Variants in KCNMB2 observed in about 807,000 individuals in gnomAD.
KCNMB2 encodes the protein calcium-activated potassium channel subunit beta-2.
A neutral mutation model predicts 24.5 loss-of-function variants in KCNMB2; 9 were observed. The ratio of observed to expected loss-of-function variants is 0.37; its 90% confidence interval spans 0.22 to 0.64. KCNMB2 has a LOEUF of 0.64. KCNMB2 is among the 30% of genes least tolerant of loss of function. The probability of loss-of-function intolerance (pLI) is 0.63; values close to 1 mark genes in which losing one functional copy is unlikely to be tolerated. For missense variants in KCNMB2, 226 were observed against 284.3 expected (o/e 0.79, Z 1.47); for synonymous variants, 109 against 104.4 (o/e 1.04, Z -0.27).
chr3:178,624,471 CT>C (rs980725458), intron 1 of KCNMB2, among the ~76,000 whole-genome samples: 12 of 152,136 alleles, frequency 7.9e-5, no homozygotes, highest in Admixed American at 4.6e-4. Flanking sequence ...TTCCAACATA[CT>C]TGTTGAGACA....
At chr3:178,780,518 C>G (rs930300730) in intron 1 of KCNMB2, among the ~76,000 whole-genome samples, 6 of 152,124 alleles carry the variant, frequency 3.9e-5, no homozygotes, top group Admixed American at 1.3e-4. Context: ...ACATAAATGA[C>G]TTGGTAGAAA....
chr3:178,784,601 A>T (rs1190436175), intron 1 of KCNMB2, among the ~76,000 whole-genome samples: 1 of 152,148 alleles, frequency 6.6e-6, no homozygotes, highest in Non-Finnish European at 1.5e-5. Context: ...TTAAAGGAGT[A>T]TCTAATTTAA....
chr3:178,793,536 CAGA>C (rs1000304720), intron 1 of KCNMB2, among the ~76,000 whole-genome samples: 4 of 151,220 alleles, frequency 2.6e-5, no homozygotes, highest in African/African-American at 9.7e-5. Context: ...CAATGGACAG[CAGA>C]AGGACTCAGA....
intron 1 of KCNMB2, among the ~76,000 whole-genome samples, chr3:178,671,683 G>A (rs564746377): frequency 7.2e-5 from 11 of 152,248 alleles, no homozygotes; most frequent in African/African-American, 2.6e-4. Flanking sequence ...TGCATTTCAG[G>A]CCACGTCACC....
Position 178,779,254 on chromosome 3 carries a change from T to C in KCNMB2, c.-67-28089T>C, listed in dbSNP as rs536027678. On this transcript the variant is annotated intron_variant, in intron 1 of 4. Coordinates refer to ENST00000452583, the MANE Select transcript of KCNMB2 (RefSeq NM_181361.3). ...TTCCCAGAAATTCTTCCCACTGTTATTCATTTTCTTTGGCTTTCAATATCC... is the reference window on the plus strand; with the variant it reads ...TTCCCAGAAATTCTTCCCACTGTTACTCATTTTCTTTGGCTTTCAATATCC... 3.9e-5 allele frequency among the ~76,000 whole-genome samples: 6 copies of C among 152,324 alleles called. No homozygotes were observed. In the South Asian group the frequency reaches 6.2e-4, roughly 16 times the overall value.
At chr3:178,779,793 A>G (rs1712747544) in intron 1 of KCNMB2, among the ~76,000 whole-genome samples, 1 of 152,144 alleles carries the variant, frequency 6.6e-6, no homozygotes, top group Non-Finnish European at 1.5e-5. Flanking sequence ...AAAATCATTC[A>G]TGATCAAGGT....
intron 1 of KCNMB2, among the ~76,000 whole-genome samples, chr3:178,578,631 C>A (rs1265805648): frequency 1.3e-5 from 2 of 152,046 alleles, no homozygotes; most frequent in Non-Finnish European, 2.9e-5. Context: ...ATTCAGGAGA[C>A]CAATCAATGT....
rs566629078 is a variant in KCNMB2, at chr3:178,796,810, A to T, written c.-67-10533A>T. ...ACATCAAAAAAGTAGAAAAACTTCAAATAAACAACCTAATGATGCATCTCA... is the reference window on the plus strand; with the variant it reads ...ACATCAAAAAAGTAGAAAAACTTCATATAAACAACCTAATGATGCATCTCA... On this transcript the variant is annotated intron_variant, in intron 1 of 4. Coordinates refer to ENST00000452583, the MANE Select transcript of KCNMB2 (RefSeq NM_181361.3). Among the ~76,000 whole-genome samples, 11 of 152,282 alleles carry T rather than the reference A, an allele frequency of 7.2e-5. 1 individual carries two copies. In the South Asian group the frequency reaches 2.3e-3, roughly 32 times the overall value.
intron 1 of KCNMB2, among the ~76,000 whole-genome samples, chr3:178,584,448 A>G (rs1357758355): frequency 2.0e-5 from 3 of 150,062 alleles, no homozygotes; most frequent in Non-Finnish European, 4.4e-5. Context: ...TCCCTCTCCA[A>G]AAGAAAAAGT....
At chr3:178,618,047 A>AAAG (rs1275067019) in intron 1 of KCNMB2, among the ~76,000 whole-genome samples, 1 of 152,138 alleles carries the variant, frequency 6.6e-6, no homozygotes, top group Non-Finnish European at 1.5e-5. Flanking sequence ...TTTTATAGAT[A>AAAG]GTATCTTTAA....
chr3:178,803,696 A>G (rs752860012), intron 1 of KCNMB2, among the ~76,000 whole-genome samples: 3 of 152,154 alleles, frequency 2.0e-5, no homozygotes, highest in Non-Finnish European at 4.4e-5. Context: ...AAGTACCGAG[A>G]ACTGGGAGCA....
chr3:178,579,457 G>A (rs1354651616), intron 1 of KCNMB2, among the ~76,000 whole-genome samples: 1 of 152,082 alleles, frequency 6.6e-6, no homozygotes, highest in Admixed American at 6.5e-5. Flanking sequence ...ACAATTAAAA[G>A]AACTAGAGAA....
At chr3:178,769,396 G>A (rs1198407067) in intron 1 of KCNMB2, among the ~76,000 whole-genome samples, 1 of 152,156 alleles carries the variant, frequency 6.6e-6, no homozygotes, top group Non-Finnish European at 1.5e-5. Flanking sequence ...CTCTGCTGGG[G>A]TGGGGTAAGA....
At chr3:178,622,333 C>T (rs1718953288) in intron 1 of KCNMB2, among the ~76,000 whole-genome samples, 1 of 152,206 alleles carries the variant, frequency 6.6e-6, no homozygotes, top group African/African-American at 2.4e-5. Flanking sequence ...ACAGATCTTA[C>T]TGCCTAACAC....
At chr3:178,688,867 A>C (rs1721564780) in intron 1 of KCNMB2, among the ~76,000 whole-genome samples, 1 of 152,192 alleles carries the variant, frequency 6.6e-6, no homozygotes, top group African/African-American at 2.4e-5. Flanking sequence ...TCTATCAAAT[A>C]ATTTGAATAT....
At chr3:178,818,632 T>C (rs1395016290) in intron 2 of KCNMB2, among the ~76,000 whole-genome samples, 1 of 152,132 alleles carries the variant, frequency 6.6e-6, no homozygotes, top group Non-Finnish European at 1.5e-5. Context: ...TTTAAACCCC[T>C]CTTTATCTAA....
chr3:178,711,611 T>C (rs1299120600), intron 1 of KCNMB2, among the ~76,000 whole-genome samples: 5 of 148,526 alleles, frequency 3.4e-5, no homozygotes, highest in African/African-American at 1.3e-4. Flanking sequence ...GTAAAGCCAC[T>C]TCCTATACGA....
chr3:178,779,524 T>C (rs1400180774), intron 1 of KCNMB2, among the ~76,000 whole-genome samples: 9 of 152,316 alleles, frequency 5.9e-5, no homozygotes, highest in Non-Finnish European at 2.9e-5. Flanking sequence ...CAATATGTCC[T>C]TTAAGTTACA....
intron 1 of KCNMB2, among the ~76,000 whole-genome samples, chr3:178,628,627 T>C (rs962314735): frequency 6.6e-6 from 1 of 152,118 alleles, no homozygotes; most frequent in African/African-American, 2.4e-5. Context: ...GAAGAATCAT[T>C]ATGGGAAGAT....
Sources: allele counts gnomAD v4.1 joint callset (sites outside exome capture counted in the v4.1 genomes callset), GRCh38; gene constraint gnomAD v4.1.1; transcripts MANE v1.5; gene names NCBI Gene and HGNC (gene_info 2026-07-23, HGNC 2026-07-21).